Variants in ATXN7 observed in about 807,000 individuals in gnomAD.
ATXN7 encodes the protein ataxin 7, also known as ataxin-7.
ATXN7 carries 12 observed loss-of-function variants against 70.5 expected under a neutral mutation model. The ratio of observed to expected loss-of-function variants is 0.17; its 90% CI spans 0.11 to 0.28. The LOEUF is 0.28. Ranked by LOEUF, ATXN7 falls within the 10% of genes least tolerant of loss-of-function variation. The pLI is 1.00. For synonymous variants in ATXN7, 498 were observed against 448.7 expected (o/e 1.11, Z -1.39); for missense variants, 1,256 against 1,131.7 (o/e 1.11, Z -1.58).
At chr3:63,997,919 T>C in intron 12 of ATXN7, 3 of 985,432 alleles carry the variant, frequency 3.0e-6, no homozygotes, top group South Asian at 4.7e-5. Context: ...ATATGTTGTT[T>C]GGCATTCTGA....
intron 12 of ATXN7, chr3:63,998,015 A>C (rs983625532): frequency 1.0e-6 from 1 of 985,260 alleles, no homozygotes; most frequent in African/African-American, 1.7e-5. Context: ...TAACAGTCCA[A>C]TATAAACACA....
chr3:63,938,279 A>G (rs2074698822), intron 4 of ATXN7, among the ~76,000 whole-genome samples: 1 of 152,210 alleles, frequency 6.6e-6, no homozygotes, highest in Non-Finnish European at 1.5e-5. Context: ...AAGTATTGCC[A>G]TTAGGTCTTC....
Position 63,990,858 on chromosome 3 carries a change from A to G in ATXN7, c.1681A>G (p.Lys561Glu). 6.2e-7 allele frequency: 1 copy of G among 1,614,222 alleles called. No individual in the cohort carries two copies. ...VEKHLNAQLWKKIPPVPSTTS... is the reference protein window; with the variant it reads ...VEKHLNAQLWEKIPPVPSTTS... ...GAAGCATCTGAATGCACAGCTATGGAAGTGAGTGCCTGTTGTTCTTGGGAG... is the reference window on the plus strand; with the variant it reads ...GAAGCATCTGAATGCACAGCTATGGGAGTGAGTGCCTGTTGTTCTTGGGAG... Residue 561 changes from lysine to glutamate, a missense_variant and splice_region_variant, in exon 11 of 13, where the codon AAG becomes GAG. Coordinates refer to ENST00000674280, the MANE Select transcript of ATXN7 (RefSeq NM_001377405.1).
chr3:63,897,573 C>G (rs927361510), intron 1 of ATXN7, among the ~76,000 whole-genome samples: 1 of 152,160 alleles, frequency 6.6e-6, no homozygotes. Flanking sequence ...AGCACTATTA[C>G]CTCCTCCACA....
intron 1 of ATXN7, among the ~76,000 whole-genome samples, chr3:63,892,012 C>T (rs1046221939): frequency 6.6e-6 from 1 of 152,192 alleles, no homozygotes; most frequent in Admixed American, 6.5e-5. Flanking sequence ...TGCATTTCCT[C>T]ACTTACAAGT....
intron 1 of ATXN7, among the ~76,000 whole-genome samples, chr3:63,885,466 A>G (rs1316977945): frequency 6.6e-6 from 1 of 152,198 alleles, no homozygotes; most frequent in Non-Finnish European, 1.5e-5. Context: ...ATGTGGAGAA[A>G]AGGGAATCTT....
At chr3:63,911,196 C>G (rs1416994503) in intron 2 of ATXN7, among the ~76,000 whole-genome samples, 1 of 152,142 alleles carries the variant, frequency 6.6e-6, no homozygotes. Flanking sequence ...TTCAAATTTT[C>G]ACATCAATTT....
intron 4 of ATXN7, among the ~76,000 whole-genome samples, chr3:63,917,557 T>C (rs1383637271): frequency 6.6e-6 from 1 of 152,208 alleles, no homozygotes; most frequent in African/African-American, 2.4e-5. Flanking sequence ...GACATCTTCT[T>C]TGGGAAGCTG....
intron 5 of ATXN7, among the ~76,000 whole-genome samples, chr3:63,956,980 C>G (rs911075750): frequency 6.6e-6 from 1 of 152,140 alleles, no homozygotes; most frequent in East Asian, 1.9e-4. Flanking sequence ...TGTGTTGGTC[C>G]TATACTGGCT....
chr3:63,916,953 G>A (rs6770864), intron 4 of ATXN7, among the ~76,000 whole-genome samples: 23,238 of 151,876 alleles, frequency 0.15, 2,028 homozygotes, highest in East Asian at 0.37. Context: ...TCGCTGTGTC[G>A]CCCAGGCTGG....
intron 4 of ATXN7, among the ~76,000 whole-genome samples, chr3:63,931,499 C>T (rs966002810): frequency 9.2e-5 from 14 of 152,094 alleles, no homozygotes; most frequent in African/African-American, 2.2e-4. Flanking sequence ...GAGGACACTT[C>T]GGGACTTTCT....
chr3:63,909,419 C>CA (rs756262158), intron 2 of ATXN7, among the ~76,000 whole-genome samples: 41 of 151,724 alleles, frequency 2.7e-4, no homozygotes, highest in Non-Finnish European at 1.8e-4. Context: ...CACATACACA[C>CA]AAAAAAAATT....
chr3:63,885,881 G>A (rs1388170125), intron 1 of ATXN7, among the ~76,000 whole-genome samples: 1 of 152,132 alleles, frequency 6.6e-6, no homozygotes, highest in East Asian at 1.9e-4. Flanking sequence ...GCAGGGCATG[G>A]TAGCATGCAC....
intron 4 of ATXN7, among the ~76,000 whole-genome samples, chr3:63,940,289 A>T (rs887254429): frequency 1.3e-5 from 1 of 78,358 alleles, no homozygotes. Context: ...GCCCCATCAC[A>T]CACACACACA....
intron 1 of ATXN7, among the ~76,000 whole-genome samples, chr3:63,868,386 C>T (rs554234005): frequency 2.8e-4 from 42 of 152,204 alleles, no homozygotes; most frequent in Non-Finnish European, 3.4e-4. Context: ...AGAAGTTTCC[C>T]GTATAAAAGT....
intron 1 of ATXN7, among the ~76,000 whole-genome samples, chr3:63,874,875 T>C (rs922050952): frequency 6.6e-6 from 1 of 152,244 alleles, no homozygotes; most frequent in Non-Finnish European, 1.5e-5. Context: ...TACCTTTGTT[T>C]GTGACAGTTC....
chr3:63,988,435 G>A, intron 9 of ATXN7, 111 bp downstream of exon 9: 1 of 1,404,784 alleles, frequency 7.1e-7, no homozygotes, highest in Non-Finnish European at 9.7e-7. Context: ...GCTCACTGTG[G>A]AGATAGTTTT....
At position 63,996,017 on chromosome 3, in the gene ATXN7, A is replaced by C; in HGVS notation, c.2195A>C (p.Glu732Ala). The C allele has an allele frequency of 6.2e-7, 1 of 1,614,064 alleles. No individual in the cohort carries two copies. The highest frequency in any genetic ancestry group is 8.5e-7 in the Non-Finnish European group (1 of 1,180,014). The change falls in exon 12 of 13, where the codon GAG (glutamate) becomes GCG (alanine). Residue 732 changes from glutamate (E) to alanine (A), a missense_variant. By Grantham distance (107) the Glu-to-Ala change is moderately radical. Transcript: ENST00000674280. ...TCCTCCTCTTCTTCTCATTCCATGG[A>C]GTCTTTTAGGAAAAACTGTGTGGCT... The part of the protein sequence containing the change: ...SSSSSSSHSM[E>A]SFRKNCVAHS...
intron 1 of ATXN7, among the ~76,000 whole-genome samples, chr3:63,890,649 T>C (rs1703229323): frequency 6.6e-6 from 1 of 152,266 alleles, no homozygotes; most frequent in South Asian, 2.1e-4. Context: ...CTACTTAGTA[T>C]ACCTTCAATA....
Sources: allele counts gnomAD v4.1 joint callset (sites outside exome capture counted in the v4.1 genomes callset), GRCh38; gene constraint gnomAD v4.1.1; transcripts MANE v1.5; gene names NCBI Gene and HGNC (gene_info 2026-07-23, HGNC 2026-07-21).